CACNA2D3: variants seen among roughly 807,000 people sequenced by gnomAD.
The protein encoded by CACNA2D3 is calcium voltage-gated channel auxiliary subunit alpha2delta 3.
In CACNA2D3, 60 loss-of-function variants were observed where a neutral mutation model predicts 160.6. The ratio of observed to expected loss-of-function variants is 0.37; its 90% CI spans 0.30 to 0.46. CACNA2D3 has a LOEUF of 0.46. CACNA2D3 is among the 20% of genes least tolerant of loss of function. The probability of loss-of-function intolerance (pLI) is 1.00; values close to 1 mark genes in which losing one functional copy is unlikely to be tolerated. For synonymous variants in CACNA2D3, 558 were observed against 492.9 expected, an observed-to-expected ratio of 1.13 and a Z score of -1.75; for missense variants, 1,205 against 1,365.0, an observed-to-expected ratio of 0.88 and a Z score of 1.85.
rs2106809581 is a variant in CACNA2D3, at chr3:54,865,747, A to G, written c.1627-5792A>G. Among the ~76,000 whole-genome samples the G allele has an allele frequency of 2.0e-5, 3 of 152,322 alleles. 1 individual carries two copies. The South Asian group carries it at 6.2e-4, about 32-fold the overall frequency. On this transcript the variant is annotated intron_variant, in intron 17 of 37. Coordinates refer to ENST00000474759, the MANE Select transcript of CACNA2D3 (RefSeq NM_018398.3). The stretch of plus-strand genomic sequence containing the variant: ...GCTGCATGGGGGCAGGGGCTGCTGC[A>G]TCTCATCAATCAGTATCAGCCATTG...
chr3:54,626,684 CAAAAAA>C (rs71096430), intron 9 of CACNA2D3: 3,402 of 314,802 alleles, frequency 0.011, 1 homozygote, highest in Middle Eastern at 0.021. Flanking sequence ...TGGTTCCAGT[CAAAAAA>C]AAAAAAAAAA....
intron 11 of CACNA2D3, among the ~76,000 whole-genome samples, chr3:54,689,721 GACAC>G (rs374097446): frequency 6.7e-6 from 1 of 150,330 alleles, no homozygotes; most frequent in Non-Finnish European, 1.5e-5. Flanking sequence ...TGCCGACTCT[GACAC>G]ACACACACAC....
intron 3 of CACNA2D3, among the ~76,000 whole-genome samples, chr3:54,384,717 T>G (rs941160111): frequency 2.0e-5 from 3 of 152,132 alleles, no homozygotes; most frequent in Admixed American, 2.0e-4. Context: ...TAGGAATACA[T>G]AAGTTTTGTG....
Position 54,643,695 on chromosome 3 carries a change from A to G in CACNA2D3, c.1167+1454A>G, listed in dbSNP as rs553562761. Among the ~76,000 whole-genome samples the G allele has an allele frequency of 4.6e-5, 7 of 152,328 alleles. No homozygotes were observed. The East Asian group carries it at 9.6e-4, about 21-fold the overall frequency. On this transcript the variant is annotated intron_variant, in intron 11 of 37. Coordinates refer to ENST00000474759, the MANE Select transcript of CACNA2D3 (RefSeq NM_018398.3). ...AGGCCAGAATTAGTTCATAATAAAC[A>G]TACATGATGTGAAAGGAGGAGACTG...
At position 54,837,193 on chromosome 3, in the gene CACNA2D3, C is replaced by T; in HGVS notation, c.1433C>T (p.Thr478Ile). Residue 478 changes from threonine to isoleucine, a missense_variant, in exon 15 of 38, where the codon ACT becomes ATT. By Grantham distance (89) the Thr-to-Ile change is moderately conservative. Transcript: ENST00000474759. ...GATCAGGGCCCCGTCCTGATGACCA[C>T]TGTAGCCATGCCTGTGTTTAGTAAG... ...TDDQGPVLMT[T>I]VAMPVFSKQN... 1 of 1,614,016 alleles carries T rather than the reference C, an allele frequency of 6.2e-7. No individual in the cohort carries two copies. Among genetic ancestry groups the T allele is most frequent in the Non-Finnish European group, 8.5e-7 (1 of 1,179,890 alleles).
At chr3:54,463,573 T>C (rs1043040727) in intron 4 of CACNA2D3, among the ~76,000 whole-genome samples, 1 of 151,360 alleles carries the variant, frequency 6.6e-6, no homozygotes, top group Non-Finnish European at 1.5e-5. Flanking sequence ...CATCGGCTCC[T>C]GAGGCTTCTG....
chr3:54,596,866 C>T (rs945732404), intron 9 of CACNA2D3, among the ~76,000 whole-genome samples: 1 of 152,150 alleles, frequency 6.6e-6, no homozygotes, highest in Non-Finnish European at 1.5e-5. Context: ...GATAAAATAA[C>T]ATTCCCTTTA....
chr3:54,478,125 A>G (rs1304835274), intron 4 of CACNA2D3, among the ~76,000 whole-genome samples: 1 of 152,234 alleles, frequency 6.6e-6, no homozygotes, highest in Non-Finnish European at 1.5e-5. Context: ...TTTATGGCTC[A>G]TGATACAAGT....
intron 35 of CACNA2D3, 71 bp downstream of exon 35, chr3:55,018,388 G>A: frequency 1.1e-6 from 1 of 892,410 alleles, no homozygotes; most frequent in South Asian, 1.4e-5. Context: ...AGATGGGTCT[G>A]TGTGACTTGC....
intron 2 of CACNA2D3, among the ~76,000 whole-genome samples, chr3:54,148,892 A>C (rs944670008): frequency 6.6e-6 from 1 of 150,588 alleles, no homozygotes; most frequent in Admixed American, 6.7e-5. Context: ...CAGGAAGATC[A>C]CTTGAACCCG....
At chr3:55,031,953 A>G (rs1409092815) in intron 35 of CACNA2D3, among the ~76,000 whole-genome samples, 2 of 152,174 alleles carry the variant, frequency 1.3e-5, no homozygotes, top group Non-Finnish European at 1.5e-5. Context: ...GAGTGATTCC[A>G]TTTCTATTGA....
chr3:54,691,353 G>A (rs562656773), intron 11 of CACNA2D3, among the ~76,000 whole-genome samples: 21 of 152,264 alleles, frequency 1.4e-4, no homozygotes, highest in Admixed American at 1.4e-3. Context: ...TTTGCTACCA[G>A]GGGACTTCCC....
intron 9 of CACNA2D3, among the ~76,000 whole-genome samples, chr3:54,598,520 T>A (rs13064588): frequency 0.28 from 42,800 of 151,812 alleles, 6,653 homozygotes; most frequent in Non-Finnish European, 0.36. Context: ...GGTGTTTACA[T>A]CCCAGATGGT....
Position 54,809,597 on chromosome 3 carries a change from C to T in CACNA2D3, c.1381-7256C>T, listed in dbSNP as rs546962270. On this transcript the variant is annotated intron_variant, in intron 13 of 37. Transcript: ENST00000474759. ...CCTCCCAAAGTGCTGGGATTACAGG[C>T]GTGAGCCACCGCGCCCGGCCCCTTC... Among the ~76,000 whole-genome samples the T allele has an allele frequency of 1.3e-4, 19 of 141,008 alleles. No individual in the cohort carries two copies. In the South Asian group the frequency reaches 3.3e-3, roughly 25 times the overall value. The allele number at this position is 141,008 out of a possible 152,430, so 92.5% of individuals were successfully genotyped here. A position where few individuals can be genotyped will look rare whatever the true frequency, so the allele number is the denominator to read the frequency against.
chr3:54,701,051 A>G (rs1386613514), intron 11 of CACNA2D3, among the ~76,000 whole-genome samples: 1 of 152,226 alleles, frequency 6.6e-6, no homozygotes, highest in Non-Finnish European at 1.5e-5. Flanking sequence ...GAACTGGGCC[A>G]TATTGGATGA....
intron 2 of CACNA2D3, among the ~76,000 whole-genome samples, chr3:54,287,035 C>T (rs1346279538): frequency 6.6e-6 from 1 of 151,982 alleles, no homozygotes; most frequent in Non-Finnish European, 1.5e-5. Flanking sequence ...AGCAAAATCA[C>T]CAGCTAACAT....
At position 54,336,939 on chromosome 3, in the gene CACNA2D3, G is replaced by C. The variant is rs1256047313; in HGVS notation, c.321+16381G>C. ...TGAATCCATTAGAGTGGGTGCAAGTGGGGGAGGGAATAAGAGTAGAGGTCA... is the reference window on the plus strand; with the variant it reads ...TGAATCCATTAGAGTGGGTGCAAGTCGGGGAGGGAATAAGAGTAGAGGTCA... On this transcript the variant is annotated intron_variant, in intron 3 of 37. Coordinates refer to ENST00000474759, the MANE Select transcript of CACNA2D3 (RefSeq NM_018398.3). Among the ~76,000 whole-genome samples the C allele has an allele frequency of 3.9e-5, 6 of 152,308 alleles. 1 individual carries two copies. The highest frequency in any genetic ancestry group is 1.3e-4 in the Admixed American group (2 of 15,294).
intron 37 of CACNA2D3, 41 bp downstream of exon 37, chr3:55,073,900 A>G (rs372657321): frequency 6.6e-7 from 1 of 1,517,488 alleles, no homozygotes; most frequent in Admixed American, 1.7e-5. Context: ...TCCCATCAGA[A>G]TCACCACGAG....
intron 11 of CACNA2D3, among the ~76,000 whole-genome samples, chr3:54,727,873 G>A (rs907789352): frequency 6.6e-6 from 1 of 152,054 alleles, no homozygotes; most frequent in African/African-American, 2.4e-5. Flanking sequence ...AAAACTGCAT[G>A]TTCTGCACAT....
Sources: gnomAD v4.1 joint callset for allele counts (sites outside exome capture counted in the v4.1 genomes callset) on GRCh38, gnomAD v4.1.1 for gene constraint, MANE v1.5 for transcripts, NCBI Gene and HGNC (gene_info 2026-07-23, HGNC 2026-07-21) for gene names.